The following ATP2C2 variants were observed in gnomAD, a reference collection of about 807,000 sequenced individuals.
ATP2C2 encodes the protein ATPase secretory pathway Ca2+ transporting 2.
Under a neutral mutation model 110.8 loss-of-function variants are expected in ATP2C2, and 171 were observed. That is an observed-to-expected ratio of 1.54 (90% CI 1.36 to 1.75). ATP2C2 has a LOEUF of 1.75. Ranked by LOEUF, ATP2C2 falls within the 40% of genes most tolerant of loss-of-function variation. ATP2C2 has a pLI of 0.00. For missense variants in ATP2C2, 1,963 were observed against 1,235.0 expected (o/e 1.59, Z -8.84); for synonymous variants, 804 against 508.4 (o/e 1.58, Z -7.82).
intron 26 of ATP2C2, chr16:84,462,460 G>T: frequency 4.4e-6 from 1 of 227,788 alleles, no homozygotes; most frequent in Non-Finnish European, 8.7e-6. Context: ...CTCAGCCTGG[G>T]AGGTACCCCA....
chr16:84,397,915 A>G lies in ATP2C2; in HGVS notation c.100-584A>G, dbSNP rs1046518462. 2.0e-4 allele frequency among the ~76,000 whole-genome samples: 30 copies of G among 151,854 alleles called. 1 individual carries two copies. The highest frequency in any genetic ancestry group is 7.3e-4 in the African/African-American group (30 of 41,152). On this transcript the variant is annotated intron_variant, in intron 1 of 26. Transcript: ENST00000262429. ...GTATACTGCATGGCACCATTTCCAT[A>G]AAGTTCAAACCCTGGCCAACCTAAT...
chr16:84,454,722 G>C (rs1910626158), intron 20 of ATP2C2, 96 bp from the exon 21 acceptor site: 1 of 1,330,878 alleles, frequency 7.5e-7, no homozygotes, highest in Non-Finnish European at 1.0e-6. Flanking sequence ...GTGCCCTCCA[G>C]ACAGAGGTGT....
chr16:84,380,117 G>A (rs1910489283), intron 1 of ATP2C2, among the ~76,000 whole-genome samples: 1 of 152,142 alleles, frequency 6.6e-6, no homozygotes, highest in African/African-American at 2.4e-5. Context: ...GGAAAGATAA[G>A]CTGGCCTCCC....
In ATP2C2 at chr16:84,405,062, C is replaced by T. The variant is rs77226205; in HGVS notation, c.211-66C>T. The stretch of plus-strand genomic sequence containing the variant: ...AGCCGCTGCCTTTCAGAGTGGGAGT[C>T]TGTACCCTGTTGCCTCATTCCTTGC... On this transcript the variant is annotated intron_variant, in intron 2 of 26. Coordinates refer to ENST00000262429, the MANE Select transcript of ATP2C2 (RefSeq NM_014861.4). The T allele has an allele frequency of 2.9e-3, 3,874 of 1,334,214 alleles. 8 individuals carry two copies. Among genetic ancestry groups the T allele is most frequent in the Non-Finnish European group, 3.7e-3 (3,464 of 925,834 alleles). 82.6% of individuals were successfully genotyped at this position (1,334,214 alleles called of 1,614,324 possible).
intron 11 of ATP2C2, among the ~76,000 whole-genome samples, chr16:84,427,327 T>A (rs1345628544): frequency 6.6e-6 from 1 of 152,226 alleles, no homozygotes; most frequent in Non-Finnish European, 1.5e-5. Context: ...GAAGTACTGA[T>A]TCATACTGCA....
chr16:84,383,936 T>G (rs1904291212), intron 1 of ATP2C2, among the ~76,000 whole-genome samples: 1 of 151,946 alleles, frequency 6.6e-6, no homozygotes, highest in Non-Finnish European at 1.5e-5. Context: ...ACTACAGGCA[T>G]GTGCCACCAC....
At chr16:84,409,305 CA>C (rs1162358245) in intron 4 of ATP2C2, among the ~76,000 whole-genome samples, 1 of 152,098 alleles carries the variant, frequency 6.6e-6, no homozygotes, top group Non-Finnish European at 1.5e-5. Context: ...TTCATAGGGT[CA>C]GGGGGCTGGG....
intron 1 of ATP2C2, among the ~76,000 whole-genome samples, chr16:84,394,177 C>G (rs189922699): frequency 2.1e-4 from 32 of 152,108 alleles, no homozygotes; most frequent in African/African-American, 7.2e-4. Context: ...GAGCAAGACT[C>G]TGCCTCAAAA....
At chr16:84,459,587 A>C (rs764612087) in intron 23 of ATP2C2, 9 of 1,535,960 alleles carry the variant, frequency 5.9e-6, no homozygotes, top group Middle Eastern at 1.7e-4. Context: ...GGGCCGGCAG[A>C]GCTGGGTGAG....
chr16:84,369,939 G>A (rs1188738912), intron 1 of ATP2C2, among the ~76,000 whole-genome samples: 3 of 152,234 alleles, frequency 2.0e-5, no homozygotes, highest in Non-Finnish European at 4.4e-5. Context: ...TTAATTGGCT[G>A]TGATCCATTT....
At chr16:84,404,928 T>G (rs771026690) in intron 2 of ATP2C2, 200 bp from the exon 3 acceptor site, 7 of 684,882 alleles carry the variant, frequency 1.0e-5, no homozygotes, top group Non-Finnish European at 1.9e-5. Context: ...GTAATTATAA[T>G]GGTCACTGGC....
At chr16:84,396,223 C>CGTGTGT (rs10571889) in intron 1 of ATP2C2, among the ~76,000 whole-genome samples, 208 of 150,608 alleles carry the variant, frequency 1.4e-3, no homozygotes, top group African/African-American at 4.8e-3. Flanking sequence ...AAGCATCGGG[C>CGTGTGT]GTGTGTGTGT....
chr16:84,441,708 T>C (rs942395012), intron 14 of ATP2C2, among the ~76,000 whole-genome samples: 2 of 152,012 alleles, frequency 1.3e-5, no homozygotes, highest in Admixed American at 1.3e-4. Context: ...ATCACCTGAG[T>C]TCAGGAGTTC....
rs542636715 is a variant in ATP2C2 at position 84,455,158 on chromosome 16, C to T, written c.2147+174C>T. 1.2e-4 allele frequency among the ~76,000 whole-genome samples: 18 copies of T among 152,164 alleles called. No homozygotes were observed. In the East Asian group the frequency reaches 3.5e-3, roughly 30 times the overall value. ...GCCCCCAACCCCAAGTACCAACAGC[C>T]TCTCATAGCAGGGTCATGGGGTCCA... On this transcript the variant is annotated intron_variant, in intron 21 of 26. Transcript: ENST00000262429.
rs753372174 is a variant in ATP2C2 at position 84,453,197 on chromosome 16, AGCGTGGAGAAGGGCGAGCTGGCCGACC to A, written c.1898_1924del (p.Glu633_Val641del). Reference sequence around the variant, plus strand: ...AGCCATGTCCGGGGAGGAGGTGGACAGCGTGGAGAAGGGCGAGCTGGCCGACCGCGTGGGGAAGGTGGGTCCCCGGAG... The same window carrying A: ...AGCCATGTCCGGGGAGGAGGTGGACAGCGTGGGGAAGGTGGGTCCCCGGAG... On this transcript the variant is annotated inframe_deletion, in exon 19 of 27. Transcript: ENST00000262429. 4.5e-5 allele frequency: 72 copies of A among 1,613,844 alleles called. No homozygotes were observed. Among genetic ancestry groups the A allele is most frequent in the Non-Finnish European group, 6.0e-5 (71 of 1,179,904 alleles).
chr16:84,382,396 C>T (rs2151401001), intron 1 of ATP2C2, among the ~76,000 whole-genome samples: 1 of 152,304 alleles, frequency 6.6e-6, no homozygotes, highest in Non-Finnish European at 1.5e-5. Flanking sequence ...TGATGGGCTT[C>T]AAATACATTC....
chr16:84,412,345 T>C (rs1364818696), intron 6 of ATP2C2, among the ~76,000 whole-genome samples: 1 of 109,994 alleles, frequency 9.1e-6, no homozygotes, highest in Middle Eastern at 5.0e-3. Context: ...TGTATGCGTG[T>C]GTCTGCGTGC....
intron 10 of ATP2C2, 46 bp downstream of exon 10, chr16:84,423,309 G>A (rs1274002496): frequency 1.3e-6 from 2 of 1,562,238 alleles, no homozygotes; most frequent in Non-Finnish European, 1.8e-6. Context: ...CAGATGGAGG[G>A]GAGCCATCAT....
At chr16:84,392,828 C>T (rs1358524314) in intron 1 of ATP2C2, among the ~76,000 whole-genome samples, 2 of 152,112 alleles carry the variant, frequency 1.3e-5, no homozygotes, top group African/African-American at 2.4e-5. Context: ...ACAGTTCCCA[C>T]AGTCTAGTGA....
Sources: allele counts gnomAD v4.1 joint callset (sites outside exome capture counted in the v4.1 genomes callset), GRCh38; gene constraint gnomAD v4.1.1; transcripts MANE v1.5; gene names NCBI Gene and HGNC (gene_info 2026-07-23, HGNC 2026-07-21).